The following FOXP2 variants were observed in gnomAD, a reference collection of about 807,000 sequenced individuals.
FOXP2 encodes the protein forkhead box protein P2.
In FOXP2, 12 loss-of-function variants were observed where a neutral mutation model predicts 115.8. That is an observed-to-expected ratio of 0.10 (90% CI 0.07 to 0.17). The LOEUF is 0.17. FOXP2 is among the 10% of genes least tolerant of loss of function. FOXP2 has a pLI of 1.00. For missense variants in FOXP2, 629 were observed against 843.5 expected (o/e 0.75, Z 3.15); for synonymous variants, 328 against 297.7 (o/e 1.10, Z -1.05).
intron 1 of FOXP2, among the ~76,000 whole-genome samples, chr7:114,210,532 G>C (rs919616269): frequency 6.6e-6 from 1 of 152,110 alleles, no homozygotes; most frequent in African/African-American, 2.4e-5. Flanking sequence ...GAAGCTGTAT[G>C]TCCCAGGGAA....
At chr7:114,437,462 C>T (rs1794406856) in intron 2 of FOXP2, among the ~76,000 whole-genome samples, 1 of 152,106 alleles carries the variant, frequency 6.6e-6, no homozygotes, top group South Asian at 2.1e-4. Flanking sequence ...TAAGAAACCA[C>T]ATTTGCAATA....
chr7:114,427,397 T>TAA (rs761002807), intron 2 of FOXP2, among the ~76,000 whole-genome samples: 1 of 140,618 alleles, frequency 7.1e-6, no homozygotes, highest in African/African-American at 2.6e-5. Context: ...CCTGATTTTG[T>TAA]AAAAAAAAAA....
At chr7:114,304,035 A>G (rs1796942978) in intron 2 of FOXP2, among the ~76,000 whole-genome samples, 1 of 152,184 alleles carries the variant, frequency 6.6e-6, no homozygotes, top group South Asian at 2.1e-4. Flanking sequence ...TAGATAACAT[A>G]GTACATTGTA....
At chr7:114,267,307 C>T (rs1004430169) in intron 1 of FOXP2, among the ~76,000 whole-genome samples, 1 of 152,086 alleles carries the variant, frequency 6.6e-6, no homozygotes, top group Non-Finnish European at 1.5e-5. Context: ...CAAGTATCGC[C>T]AAATTCAAAG....
At chr7:114,542,541 T>C (rs887504420) in intron 3 of FOXP2, among the ~76,000 whole-genome samples, 1 of 152,138 alleles carries the variant, frequency 6.6e-6, no homozygotes, top group African/African-American at 2.4e-5. Flanking sequence ...TTATAGTGGC[T>C]TTTTAAAAAA....
intron 2 of FOXP2, among the ~76,000 whole-genome samples, chr7:114,512,374 C>T (rs543088589): frequency 1.2e-4 from 18 of 152,236 alleles, no homozygotes; most frequent in African/African-American, 3.9e-4. Flanking sequence ...TGATCCCATA[C>T]GAATTCTCAA....
chr7:114,153,358 A>C lies in FOXP2; in HGVS notation c.-246-9586A>C, dbSNP rs147405098. On this transcript the variant is annotated intron_variant, in intron 1 of 19. Coordinates refer to the FOXP2 transcript ENST00000635638. ...ACTAGAATTGATGAACAAATGTTGCATGCTGTCATTTTAGATTACATTATT... is the reference window on the plus strand; with the variant it reads ...ACTAGAATTGATGAACAAATGTTGCCTGCTGTCATTTTAGATTACATTATT... Among the ~76,000 whole-genome samples, 1,160 of 152,256 alleles carry C rather than the reference A, an allele frequency of 7.6e-3. 9 individuals carry two copies. Among genetic ancestry groups the C allele is most frequent in the Non-Finnish European group, 0.012 (806 of 67,994 alleles).
chr7:114,384,926 T>G (rs1792405006), intron 2 of FOXP2, among the ~76,000 whole-genome samples: 4 of 152,036 alleles, frequency 2.6e-5, no homozygotes, highest in Admixed American at 2.6e-4. Flanking sequence ...AAGTGACAAT[T>G]ATCAATTATA....
At chr7:114,183,038 T>C (rs549432390) in intron 1 of FOXP2, among the ~76,000 whole-genome samples, 69 of 152,230 alleles carry the variant, frequency 4.5e-4, no homozygotes, top group African/African-American at 1.6e-3. Context: ...CAGCAGTTGT[T>C]GGTTGCCTGC....
intron 1 of FOXP2, among the ~76,000 whole-genome samples, chr7:114,181,792 GA>G (rs1793463934): frequency 2.0e-5 from 3 of 151,998 alleles, no homozygotes; most frequent in Admixed American, 6.6e-5. Context: ...GTTTTAATGG[GA>G]TAAATGATAA....
At chr7:114,189,303 A>T (rs1793694548) in intron 1 of FOXP2, among the ~76,000 whole-genome samples, 1 of 152,204 alleles carries the variant, frequency 6.6e-6, no homozygotes, top group Admixed American at 6.5e-5. Flanking sequence ...CAAAACTTAA[A>T]TATTTCTGAT....
chr7:114,590,723 G>T (rs780992912), intron 3 of FOXP2, among the ~76,000 whole-genome samples: 5 of 152,124 alleles, frequency 3.3e-5, no homozygotes, highest in Non-Finnish European at 5.9e-5. Context: ...TAGTATTTGA[G>T]TTGGGCAGCG....
chr7:114,693,176 C>T lies in FOXP2; in HGVS notation c.*3250C>T. 2.2e-6 allele frequency: 1 copy of T among 453,558 alleles called. No individual in the cohort carries two copies. Among genetic ancestry groups the T allele is most frequent in the Non-Finnish European group, 4.4e-6 (1 of 226,574 alleles). 28.1% of individuals were successfully genotyped at this position (453,558 alleles called of 1,614,324 possible). ...CAATTAAAATTTTATGTGAATGTTA[C>T]AAGTATTTGGTAGAATTACCACTAA... On this transcript the variant is annotated 3_prime_UTR_variant, in exon 17 of 17. Coordinates refer to ENST00000350908, the MANE Select transcript of FOXP2 (RefSeq NM_014491.4).
At chr7:114,347,053 AT>A (rs1406570265) in intron 2 of FOXP2, among the ~76,000 whole-genome samples, 2 of 151,990 alleles carry the variant, frequency 1.3e-5, no homozygotes, top group Non-Finnish European at 2.9e-5. Flanking sequence ...AAAATAAAAA[AT>A]AAATGCAATG....
chr7:114,425,156 G>C (rs958098959), intron 1 of FOXP2, among the ~76,000 whole-genome samples: 1 of 151,452 alleles, frequency 6.6e-6, no homozygotes, highest in Non-Finnish European at 1.5e-5. Context: ...TAGGAAGCTT[G>C]CATTTGCTTT....
chr7:114,567,130 C>T (rs995475702), intron 3 of FOXP2, among the ~76,000 whole-genome samples: 8 of 151,870 alleles, frequency 5.3e-5, no homozygotes, highest in Non-Finnish European at 1.0e-4. Flanking sequence ...ATTTTTGTAA[C>T]CTTTATAATA....
chr7:114,576,602 T>C (rs1801590301), intron 3 of FOXP2, among the ~76,000 whole-genome samples: 1 of 151,916 alleles, frequency 6.6e-6, no homozygotes, highest in Admixed American at 6.6e-5. Flanking sequence ...AATATATTTT[T>C]CATCAAATAA....
chr7:114,672,619 T>C (rs1480321651), intron 16 of FOXP2, among the ~76,000 whole-genome samples: 1 of 151,970 alleles, frequency 6.6e-6, no homozygotes, highest in Non-Finnish European at 1.5e-5. Context: ...TACTCCTTAT[T>C]CATCTAATGT....
intron 2 of FOXP2, among the ~76,000 whole-genome samples, chr7:114,401,899 T>A (rs1205016938): frequency 6.6e-6 from 1 of 152,132 alleles, no homozygotes; most frequent in Non-Finnish European, 1.5e-5. Context: ...GGCAGGCGGA[T>A]CACTTGAGGC....
Sources: allele counts gnomAD v4.1 joint callset (sites outside exome capture counted in the v4.1 genomes callset), GRCh38; gene constraint gnomAD v4.1.1; transcripts MANE v1.5; gene names NCBI Gene and HGNC (gene_info 2026-07-23, HGNC 2026-07-21).